LRIG3: variants seen among roughly 807,000 people sequenced by gnomAD.
LRIG3 encodes the protein leucine-rich repeats and immunoglobulin-like domains protein 3.
LRIG3 carries 76 observed loss-of-function variants against 114.5 expected under a neutral mutation model. The observed-to-expected ratio is 0.66, with a 90% CI of 0.55 to 0.80. The LOEUF is 0.80. LRIG3 is among the 30% of genes least tolerant of loss of function. The pLI is 0.00. For synonymous variants in LRIG3, 512 were observed against 519.8 expected, an observed-to-expected ratio of 0.98 and a Z score of 0.20; for missense variants, 1,239 against 1,382.8, an observed-to-expected ratio of 0.90 and a Z score of 1.65.
chr12:58,873,875 T>C, intron 18 of LRIG3, 180 bp downstream of exon 18: 1 of 692,304 alleles, frequency 1.4e-6, no homozygotes, highest in South Asian at 1.8e-5. Context: ...CATCATCAAG[T>C]AAAATCCCAC....
At chr12:58,892,201 G>A (rs569915344) in intron 3 of LRIG3, among the ~76,000 whole-genome samples, 1 of 152,252 alleles carries the variant, frequency 6.6e-6, no homozygotes, top group African/African-American at 2.4e-5. Context: ...CAGGCAGTTT[G>A]GTCTTTTTTA....
In LRIG3 at chr12:58,877,455, C is replaced by T; in HGVS notation, c.2481G>A (p.Val827=). 4 of 1,614,114 alleles carry T rather than the reference C, an allele frequency of 2.5e-6. No homozygotes were observed. Among genetic ancestry groups the T allele is most frequent in the Non-Finnish European group, 3.4e-6 (4 of 1,180,014 alleles). ...CCVVGTSLVW[V]VIIYHTRRRN... is the part of the protein sequence containing the mutation. Reference sequence around the variant, plus strand: ...TCCGCCTTGTGTGGTATATGATGACCACCCACACGAGTGACGTGCCCACCA... The same window carrying T: ...TCCGCCTTGTGTGGTATATGATGACTACCCACACGAGTGACGTGCCCACCA... The change falls in exon 15 of 19, where the codon GTG becomes GTA. Residue 827 remains valine (V), a synonymous_variant. Coordinates refer to ENST00000320743, the MANE Select transcript of LRIG3 (RefSeq NM_153377.5).
At chr12:58,876,417 A>G in intron 16 of LRIG3, 28 bp downstream of exon 16, 1 of 1,608,718 alleles carries the variant, frequency 6.2e-7, no homozygotes, top group Non-Finnish European at 8.5e-7. Flanking sequence ...CAAAACAATT[A>G]CAGCCCACAT....
In LRIG3 at chr12:58,886,742, C is replaced by T. The variant is rs150133947; in HGVS notation, c.1172+68G>A. ...CTCTTCATGATGTCAACTTGTATAG[C>T]TGACTTCAGTGAAGACAAAATTTTT... On this transcript the variant is annotated intron_variant, in intron 9 of 18. Transcript: ENST00000320743. 1.6e-3 allele frequency: 2,111 copies of T among 1,291,936 alleles called. 28 individuals carry two copies. In the African/African-American group the frequency reaches 0.025, roughly 15 times the overall value. The allele number at this position is 1,291,936 out of a possible 1,614,324, so 80.0% of individuals were successfully genotyped here. A position where few individuals can be genotyped will look rare whatever the true frequency, so the allele number is the denominator to read the frequency against.
intron 8 of LRIG3, among the ~76,000 whole-genome samples, 176 bp downstream of exon 8, chr12:58,887,613 G>A (rs1871317324): frequency 1.3e-5 from 2 of 152,042 alleles, no homozygotes; most frequent in South Asian, 2.1e-4. Flanking sequence ...ATCCCTATAC[G>A]AAACACATAT....
intron 16 of LRIG3, 38 bp from the exon 17 acceptor site, chr12:58,874,611 C>T: frequency 6.2e-7 from 1 of 1,609,996 alleles, no homozygotes; most frequent in Non-Finnish European, 8.5e-7. Flanking sequence ...TCCAATTATT[C>T]AAGTGCCATT....
intron 1 of LRIG3, among the ~76,000 whole-genome samples, chr12:58,917,580 C>G (rs1872525251): frequency 6.6e-6 from 1 of 152,120 alleles, no homozygotes; most frequent in Admixed American, 6.5e-5. Flanking sequence ...TATTTTACAG[C>G]TCAAACTATT....
chr12:58,890,115 T>C lies in LRIG3; in HGVS notation c.540A>G (p.Thr180=), dbSNP rs753800382. 2.5e-6 allele frequency: 4 copies of C among 1,613,672 alleles called. No homozygotes were observed. The highest frequency in any genetic ancestry group is 3.4e-6 in the Non-Finnish European group (4 of 1,179,760). The change falls in exon 5 of 19, where the codon ACA becomes ACG. Residue 180 remains threonine, a synonymous_variant. Coordinates refer to ENST00000320743, the MANE Select transcript of LRIG3 (RefSeq NM_153377.5). ...TGTCAAAATACCCAGGTTCCATTGA[T>C]GTGACTCGGTTGCTGTTGAGATACC... ...KYLYLNSNRV[T]SMEPGYFDNL...
At chr12:58,895,896 C>T (rs1356878067) in intron 3 of LRIG3, among the ~76,000 whole-genome samples, 1 of 152,180 alleles carries the variant, frequency 6.6e-6, no homozygotes, top group East Asian at 1.9e-4. Flanking sequence ...TTTTCTCCTT[C>T]CCTGACATAC....
chr12:58,890,799 A>G lies in LRIG3; in HGVS notation c.384-3T>C. 2 of 1,598,606 alleles carry G rather than the reference A, an allele frequency of 1.3e-6. No homozygotes were observed. Among genetic ancestry groups the G allele is most frequent in the Non-Finnish European group, 1.7e-6 (2 of 1,175,012 alleles). ...TTTCAACAATCCTGTTTCCAGCCCT[A>G]GAATTAAAAGAAACCACAGTTAACA... On this transcript the variant is annotated splice_polypyrimidine_tract_variant and splice_region_variant and intron_variant, in intron 3 of 18. Transcript: ENST00000320743.
chr12:58,905,783 C>T (rs190562799), intron 3 of LRIG3, among the ~76,000 whole-genome samples: 36 of 152,266 alleles, frequency 2.4e-4, no homozygotes, highest in South Asian at 2.3e-3. Flanking sequence ...TGCCCTACAC[C>T]GGCTTAGGGA....
chr12:58,896,765 G>C (rs2120933988), intron 3 of LRIG3, among the ~76,000 whole-genome samples: 1 of 152,306 alleles, frequency 6.6e-6, no homozygotes, highest in Middle Eastern at 3.4e-3. Flanking sequence ...ACAAATTGCT[G>C]AATCTGTGGT....
chr12:58,878,952 A>G lies in LRIG3; in HGVS notation c.1955T>C (p.Met652Thr). Reference protein sequence around the residue: ...TDFPAARERRMHVMPEDDVFF... With the variant: ...TDFPAARERRTHVMPEDDVFF... ...CACGTCATCCTCGGGCATCACATGC[A>G]TGCGTCTCTCCCGTGCAGCTGGGAA... The change falls in exon 14 of 19, where the codon ATG (methionine) becomes ACG (threonine). Residue 652 changes from methionine (M) to threonine (T), a missense_variant. Met to Thr is a moderately conservative substitution (Grantham distance 81). Transcript: ENST00000320743. 6.2e-7 allele frequency: 1 copy of G among 1,614,190 alleles called. No individual in the cohort carries two copies. The highest frequency in any genetic ancestry group is 8.5e-7 in the Non-Finnish European group (1 of 1,180,014).
At chr12:58,878,527 G>A (rs138694755) in intron 14 of LRIG3, among the ~76,000 whole-genome samples, 1,828 of 152,140 alleles carry the variant, frequency 0.012, 24 homozygotes, top group Middle Eastern at 0.088. Flanking sequence ...ACAGCACAGT[G>A]GGGAAATTAG....
At chr12:58,894,123 G>A (rs79266822) in intron 3 of LRIG3, among the ~76,000 whole-genome samples, 29 of 152,228 alleles carry the variant, frequency 1.9e-4, no homozygotes, top group East Asian at 9.7e-4. Context: ...CTTGAGTGAC[G>A]AATAAAATTT....
rs1388289324 is a variant in LRIG3 at position 58,872,542 on chromosome 12, T to C, written c.*30A>G. On this transcript the variant is annotated 3_prime_UTR_variant, in exon 19 of 19. Coordinates refer to ENST00000320743, the MANE Select transcript of LRIG3 (RefSeq NM_153377.5). ...AAATAAAAGTTCACTTGAGGTAGTA[T>C]GTTAAGCTTTTCCTTTGGTCTCATT... 1.9e-6 allele frequency: 3 copies of C among 1,561,916 alleles called. No individual in the cohort carries two copies. The Admixed American group carries it at 5.6e-5, about 29-fold the overall frequency.
chr12:58,899,834 T>C (rs1290823695), intron 3 of LRIG3, among the ~76,000 whole-genome samples: 1 of 152,134 alleles, frequency 6.6e-6, no homozygotes, highest in Admixed American at 6.5e-5. Context: ...AGGGACCTAT[T>C]TTAGGACAAA....
At chr12:58,908,585 G>C (rs1023045946) in intron 3 of LRIG3, among the ~76,000 whole-genome samples, 5 of 152,100 alleles carry the variant, frequency 3.3e-5, no homozygotes, top group Non-Finnish European at 5.9e-5. Context: ...GACTTCTCTT[G>C]TTCTTTTTTT....
intron 3 of LRIG3, among the ~76,000 whole-genome samples, chr12:58,903,610 T>C (rs1871951155): frequency 1.3e-5 from 2 of 152,008 alleles, no homozygotes; most frequent in Non-Finnish European, 2.9e-5. Context: ...TTGCCATTGC[T>C]TTTGGTGTTT....
Sources: gnomAD v4.1 joint callset for allele counts (sites outside exome capture counted in the v4.1 genomes callset) on GRCh38, gnomAD v4.1.1 for gene constraint, MANE v1.5 for transcripts, NCBI Gene and HGNC (gene_info 2026-07-23, HGNC 2026-07-21) for gene names.